PMS1: variants seen among roughly 807,000 people sequenced by gnomAD.
PMS1 encodes PMS1 homolog 1, mismatch repair system component.
Under a neutral mutation model 93.1 loss-of-function variants are expected in PMS1, and 79 were observed. The ratio of observed to expected loss-of-function variants is 0.85; its 90% CI spans 0.71 to 1.02. The LOEUF is 1.02. Ranked by LOEUF, PMS1 falls within the 50% of genes least tolerant of loss-of-function variation. The pLI, the probability that PMS1 is intolerant of heterozygous loss-of-function variation, is 0.00. For missense variants in PMS1, 1,064 were observed against 1,085.3 expected (o/e 0.98, Z 0.28); for synonymous variants, 335 against 363.4 (o/e 0.92, Z 0.89).
chr2:189,805,601 C>G, intron 3 of PMS1, 51 bp from the exon 4 acceptor site: 2 of 1,333,142 alleles, frequency 1.5e-6, no homozygotes, highest in Non-Finnish European at 2.2e-6. Flanking sequence ...TGATAATGAA[C>G]CCATCGCAAT....
intron 3 of PMS1, among the ~76,000 whole-genome samples, chr2:189,797,777 A>G (rs1280672515): frequency 6.6e-6 from 1 of 152,168 alleles, no homozygotes; most frequent in Non-Finnish European, 1.5e-5. Flanking sequence ...CTTGCCAAGA[A>G]TAATGATATA....
chr2:189,849,663 C>T (rs1464966660), intron 6 of PMS1, among the ~76,000 whole-genome samples: 1 of 152,046 alleles, frequency 6.6e-6, no homozygotes. Context: ...CCACTTCTTT[C>T]CCATAGTTTG....
intron 11 of PMS1, 128 bp downstream of exon 11, chr2:189,868,057 A>T: frequency 1.3e-6 from 1 of 785,826 alleles, no homozygotes; most frequent in Non-Finnish European, 2.2e-6. Flanking sequence ...AGTGTCAGCT[A>T]TGTTAAAACA....
At chr2:189,845,501 T>C (rs984276073) in intron 6 of PMS1, among the ~76,000 whole-genome samples, 2 of 152,162 alleles carry the variant, frequency 1.3e-5, no homozygotes, top group Non-Finnish European at 2.9e-5. Flanking sequence ...GTTTTCTTCA[T>C]CATGTTAGCA....
chr2:189,844,655 A>AAAAAAAAC (rs1553579133), intron 6 of PMS1, among the ~76,000 whole-genome samples: 9 of 151,012 alleles, frequency 6.0e-5, no homozygotes, highest in African/African-American at 2.2e-4. Flanking sequence ...AAAAAAAAAA[A>AAAAAAAAC]AAAAAAAACT....
intron 6 of PMS1, among the ~76,000 whole-genome samples, chr2:189,846,841 A>G (rs2106426811): frequency 6.6e-6 from 1 of 151,230 alleles, no homozygotes; most frequent in South Asian, 2.1e-4. Flanking sequence ...ATGGGAAACA[A>G]TACATTCCAC....
In PMS1 at chr2:189,843,970, A is replaced by G; in HGVS notation, c.589A>G (p.Ile197Val). 1 of 1,613,684 alleles carries G rather than the reference A, an allele frequency of 6.2e-7. No homozygotes were observed. The highest frequency in any genetic ancestry group is 8.5e-7 in the Non-Finnish European group (1 of 1,179,684). Reference protein sequence around the residue: ...RIVFVHNKAVIWQKSRVSDHK... With the variant: ...RIVFVHNKAVVWQKSRVSDHK... ...ATATCATTTTTGTCCCTAGGCAGTT[A>G]TTTGGCAGAAAAGCAGAGTATCAGA... The change falls in exon 6 of 13, where the codon ATT (isoleucine) becomes GTT (valine). Residue 197 changes from isoleucine (I) to valine (V), a missense_variant. Transcript: ENST00000441310.
intron 4 of PMS1, 59 bp downstream of exon 4, chr2:189,805,813 TAAA>T (rs3214425): frequency 6.5e-6 from 9 of 1,386,040 alleles, no homozygotes; most frequent in Non-Finnish European, 7.9e-6. Context: ...ATTGTTGGTT[TAAA>T]AAAAAAAAGT....
intron 5 of PMS1, among the ~76,000 whole-genome samples, chr2:189,843,737 A>G (rs2054007132): frequency 1.3e-5 from 2 of 152,176 alleles, no homozygotes; most frequent in Non-Finnish European, 2.9e-5. Flanking sequence ...AGAGGAGAAA[A>G]CCAAGGTAAA....
At chr2:189,792,882 G>C (rs2049016352) in intron 2 of PMS1, among the ~76,000 whole-genome samples, 1 of 151,668 alleles carries the variant, frequency 6.6e-6, no homozygotes. Flanking sequence ...CGCGATCTCA[G>C]CTTACTGCAC....
chr2:189,803,576 G>A (rs2050079559), intron 3 of PMS1, among the ~76,000 whole-genome samples: 1 of 152,152 alleles, frequency 6.6e-6, no homozygotes, highest in Non-Finnish European at 1.5e-5. Context: ...TGCTCCTGAT[G>A]GTGGAGTTAC....
In PMS1 at chr2:189,864,194, G is replaced by A. The variant is rs1216508176; in HGVS notation, c.2308G>A (p.Glu770Lys). Residue 770 changes from glutamate to lysine, a missense_variant, in exon 10 of 13, where the codon GAG becomes AAG. By Grantham distance (56) the Glu-to-Lys change is moderately conservative. Transcript: ENST00000441310. ...TCTTGAGAATCATAAACTTCCTGCAGAGCCACTGGAAAAGCCAATTATGTT... is the reference window on the plus strand; with the variant it reads ...TCTTGAGAATCATAAACTTCCTGCAAAGCCACTGGAAAAGCCAATTATGTT... ...RLLENHKLPA[E>K]PLEKPIMLTE... 1 of 1,609,804 alleles carries A rather than the reference G, an allele frequency of 6.2e-7. No homozygotes were observed. Among genetic ancestry groups the A allele is most frequent in the Admixed American group, 1.7e-5 (1 of 59,922 alleles).
chr2:189,789,481 T>C (rs990887497), intron 1 of PMS1, among the ~76,000 whole-genome samples: 2 of 152,192 alleles, frequency 1.3e-5, no homozygotes, highest in Non-Finnish European at 2.9e-5. Flanking sequence ...TTGCCTTCTA[T>C]ATAGCAAAAT....
At chr2:189,859,451 T>C (rs1202274465) in intron 9 of PMS1, among the ~76,000 whole-genome samples, 1 of 152,154 alleles carries the variant, frequency 6.6e-6, no homozygotes, top group East Asian at 1.9e-4. Context: ...TTACAGTAGT[T>C]TCCAATTCTG....
At chr2:189,818,266 T>C (rs1038158030) in intron 5 of PMS1, 86 bp downstream of exon 5, 2 of 883,920 alleles carry the variant, frequency 2.3e-6, no homozygotes, top group African/African-American at 3.4e-5. Flanking sequence ...ATATGGGCTA[T>C]GACTAAATGT....
intron 4 of PMS1, among the ~76,000 whole-genome samples, chr2:189,814,689 C>T (rs971940428): frequency 4.6e-5 from 7 of 151,884 alleles, no homozygotes; most frequent in African/African-American, 7.3e-5. Context: ...TTCTAAGAGG[C>T]GAGGCAGACA....
At chr2:189,819,907 G>A (rs190321126) in intron 5 of PMS1, among the ~76,000 whole-genome samples, 2 of 152,240 alleles carry the variant, frequency 1.3e-5, no homozygotes, top group East Asian at 3.9e-4. Flanking sequence ...TCAAAGCGCC[G>A]ATAAGAGAAG....
rs557799372 is a variant in PMS1, at chr2:189,793,647, A to G, written c.132+1706A>G. ...TGGCAGGCAGACATCTTTTTCTTAA[A>G]CATTTCTGGAAGAAAAACTGGTTTT... On this transcript the variant is annotated intron_variant, in intron 2 of 12. Transcript: ENST00000441310. Among the ~76,000 whole-genome samples the G allele has an allele frequency of 2.6e-5, 4 of 152,318 alleles. No homozygotes were observed. In the East Asian group the frequency reaches 7.7e-4, roughly 29 times the overall value.
chr2:189,853,284 G>A (rs2054956066), intron 7 of PMS1, among the ~76,000 whole-genome samples: 1 of 151,970 alleles, frequency 6.6e-6, no homozygotes, highest in African/African-American at 2.4e-5. Context: ...TCGAACTCCT[G>A]TCCTCAAGTG....
Sources: allele counts gnomAD v4.1 joint callset (sites outside exome capture counted in the v4.1 genomes callset), GRCh38; gene constraint gnomAD v4.1.1; transcripts MANE v1.5; gene names NCBI Gene and HGNC (gene_info 2026-07-23, HGNC 2026-07-21).